DMGDH: variants seen among roughly 807,000 people sequenced by gnomAD.
DMGDH encodes dimethylglycine dehydrogenase, also known as dimethylglycine dehydrogenase, mitochondrial.
DMGDH carries 76 observed loss-of-function variants against 95.2 expected under a neutral mutation model. That is an observed-to-expected ratio of 0.80 (90% CI 0.66 to 0.97). DMGDH has a LOEUF of 0.97. DMGDH is among the 50% of genes least tolerant of loss of function. DMGDH has a pLI of 0.00. For synonymous variants in DMGDH, 345 were observed against 377.6 expected (o/e 0.91, Z 1.00); for missense variants, 987 against 1,055.0 (o/e 0.94, Z 0.89).
chr5:79,032,366 G>A (rs1209283116), intron 9 of DMGDH, among the ~76,000 whole-genome samples: 2 of 152,212 alleles, frequency 1.3e-5, no homozygotes, highest in African/African-American at 4.8e-5. Context: ...CTAAAGTACA[G>A]CAAACCTTTA....
intron 14 of DMGDH, chr5:79,020,868 C>T (rs928778396): frequency 3.0e-6 from 3 of 985,276 alleles, no homozygotes; most frequent in Admixed American, 6.1e-5. Context: ...TGTGAATCTT[C>T]GTGGAGGTTC....
chr5:79,003,394 T>C (rs909644222), intron 15 of DMGDH, among the ~76,000 whole-genome samples: 8 of 152,020 alleles, frequency 5.3e-5, no homozygotes, highest in East Asian at 1.9e-4. Context: ...TGGGCAAATA[T>C]GAATTGGAGG....
At chr5:79,046,483 G>C (rs1754678654) in intron 5 of DMGDH, among the ~76,000 whole-genome samples, 1 of 151,994 alleles carries the variant, frequency 6.6e-6, no homozygotes, top group Non-Finnish European at 1.5e-5. Context: ...GACCTCCCAG[G>C]CTCAGGTGAT....
chr5:79,005,394 A>G lies in DMGDH; in HGVS notation c.2264T>C (p.Ile755Thr), dbSNP rs765953325. 9.3e-6 allele frequency: 15 copies of G among 1,613,988 alleles called. No individual in the cohort carries two copies. Among genetic ancestry groups the G allele is most frequent in the African/African-American group, 1.3e-5 (1 of 74,928 alleles). The change falls in exon 15 of 16, where the codon ATA (isoleucine) becomes ACA (threonine). Residue 755 changes from isoleucine (I) to threonine (T), a missense_variant. Transcript: ENST00000255189. Reference protein sequence around the residue: ...FVKLNKPADFIGKQALKQIKA... With the variant: ...FVKLNKPADFTGKQALKQIKA... ...AATCTGTTTCAGTGCTTGCTTTCCTATGAAGTCTGCTGGCTGCAGGAATCC... is the reference window on the plus strand; with the variant it reads ...AATCTGTTTCAGTGCTTGCTTTCCTGTGAAGTCTGCTGGCTGCAGGAATCC...
In DMGDH at chr5:79,042,459, C is replaced by T. The variant is rs763812617; in HGVS notation, c.1017G>A (p.Glu339=). The T allele has an allele frequency of 2.5e-6, 4 of 1,614,156 alleles. No individual in the cohort carries two copies. In the Admixed American group the frequency reaches 5.0e-5, roughly 20 times the overall value. The change falls in exon 7 of 16, where the codon GAG becomes GAA. Residue 339 remains glutamate, a synonymous_variant. Transcript: ENST00000255189. ...GTTCCATGATTCGATCTAGATCAGACTCAAAGAGTTCCTTTCCAAAACCTA... is the reference window on the plus strand; with the variant it reads ...GTTCCATGATTCGATCTAGATCAGATTCAAAGAGTTCCTTTCCAAAACCTA... The part of the protein sequence containing the change: ...VPPGFGKELF[E]SDLDRIMEHI...
chr5:79,063,740 G>C lies in DMGDH; in HGVS notation c.149C>G (p.Ala50Gly). 1 of 1,614,126 alleles carries C rather than the reference G, an allele frequency of 6.2e-7. No individual in the cohort carries two copies. Among genetic ancestry groups the C allele is most frequent in the Non-Finnish European group, 8.5e-7 (1 of 1,180,030 alleles). Residue 50 changes from alanine (A) to glycine (G), a missense_variant, in exon 2 of 16, where the codon GCA becomes GGA. Ala to Gly is a moderately conservative substitution (Grantham distance 60). Transcript: ENST00000255189. ...GCCACCTCCAATTATCACTGTTTCT[G>C]CTCTGTCTTTCCATTGTGTTTCTGC... ...LSAETQWKDR[A>G]ETVIIGGGCV...
In DMGDH at chr5:79,044,438, T is replaced by C; in HGVS notation, c.860A>G (p.Glu287Gly). ...TTCCAGGTCACGGAGCACAGGCAGT[T>C]CTCGTTTCAAAGCTTTCACTTCAGA... The part of the protein sequence containing the change: ...TISEVKALKR[E>G]LPVLRDLEGS... The change falls in exon 6 of 16, where the codon GAA (glutamate) becomes GGA (glycine). Residue 287 changes from glutamate (E) to glycine (G), a missense_variant. Physicochemically the swap from Glu to Gly is moderately conservative, Grantham distance 98. Transcript: ENST00000255189. The C allele has an allele frequency of 6.2e-7, 1 of 1,614,194 alleles. No homozygotes were observed. The highest frequency in any genetic ancestry group is 8.5e-7 in the Non-Finnish European group (1 of 1,180,034).
intron 14 of DMGDH, among the ~76,000 whole-genome samples, chr5:79,009,725 C>A (rs530685570): frequency 1.2e-4 from 18 of 152,174 alleles, no homozygotes; most frequent in Non-Finnish European, 2.2e-4. Flanking sequence ...CCCATTGGCA[C>A]AATCCCCCTG....
intron 14 of DMGDH, among the ~76,000 whole-genome samples, chr5:79,009,713 T>G (rs1753613329): frequency 6.6e-6 from 1 of 152,188 alleles, no homozygotes; most frequent in East Asian, 1.9e-4. Flanking sequence ...AGGCTGCACC[T>G]GCCCATTGGC....
intron 1 of DMGDH, among the ~76,000 whole-genome samples, chr5:79,067,937 TG>T (rs1755426853): frequency 1.3e-5 from 2 of 152,164 alleles, no homozygotes; most frequent in Non-Finnish European, 2.9e-5. Context: ...TTTTTGTTTG[TG>T]AGATGGAATC....
chr5:79,007,492 A>AT (rs56769699), intron 14 of DMGDH, among the ~76,000 whole-genome samples: 176 of 149,770 alleles, frequency 1.2e-3, no homozygotes, highest in African/African-American at 3.1e-3. Context: ...TAACAGCAAC[A>AT]TTTTTTTTTT....
chr5:79,056,768 T>C (rs571447487), intron 2 of DMGDH, among the ~76,000 whole-genome samples: 325 of 151,898 alleles, frequency 2.1e-3, no homozygotes, highest in African/African-American at 7.1e-3. Flanking sequence ...GGCAGGAGAA[T>C]AGCTTGAACC....
rs1377996139 is a variant in DMGDH, at chr5:79,029,997, T to A, written c.1721A>T (p.Lys574Met). 6.2e-7 allele frequency: 1 copy of A among 1,613,912 alleles called. No homozygotes were observed. Among genetic ancestry groups the A allele is most frequent in the Non-Finnish European group, 8.5e-7 (1 of 1,179,972 alleles). The change falls in exon 11 of 16, where the codon AAG (lysine) becomes ATG (methionine). Residue 574 changes from lysine to methionine, a missense_variant. Physicochemically the swap from Lys to Met is moderately conservative, Grantham distance 95. Transcript: ENST00000255189. Reference sequence around the variant, plus strand: ...AGTCAGCTCAGCATACACTCGACCCTTGGGTGTTAACATGTGACTTATATT... The same window carrying A: ...AGTCAGCTCAGCATACACTCGACCCATGGGTGTTAACATGTGACTTATATT... ...FTNISHMLTP[K>M]GRVYAELTVS...
At chr5:79,001,132 AG>A in intron 15 of DMGDH, 1 of 550,980 alleles carries the variant, frequency 1.8e-6, no homozygotes, top group South Asian at 3.0e-5. Flanking sequence ...TAGCCCTGGA[AG>A]CAGCTCTGCG....
chr5:79,006,748 G>A (rs2112600629), intron 14 of DMGDH, among the ~76,000 whole-genome samples: 1 of 152,126 alleles, frequency 6.6e-6, no homozygotes, highest in Non-Finnish European at 1.5e-5. Context: ...GACTTACACA[G>A]TTCTTTCTGC....
Position 79,063,622 on chromosome 5 carries a change from G to C in DMGDH, c.267C>G (p.Thr89=), listed in dbSNP as rs1282336700. ...GGGGTGCTTTTCTTACTGCGTGCCA[G>C]GTAGATCCAGCCGTGAGCTCTGATT... ...LEKSELTAGS[T]WHAAGLTTYF... is the part of the protein sequence containing the mutation. The change falls in exon 2 of 16, where the codon ACC becomes ACG. Residue 89 remains threonine (T), a synonymous_variant. Coordinates refer to ENST00000255189, the MANE Select transcript of DMGDH (RefSeq NM_013391.3). 3 of 1,614,178 alleles carry C rather than the reference G, an allele frequency of 1.9e-6. No individual in the cohort carries two copies. Among genetic ancestry groups the C allele is most frequent in the Non-Finnish European group, 1.7e-6 (2 of 1,180,046 alleles).
rs1267743472 is a variant in DMGDH at position 79,044,556 on chromosome 5, A to C, written c.746-4T>G. 9 of 1,613,794 alleles carry C rather than the reference A, an allele frequency of 5.6e-6. No homozygotes were observed. Among genetic ancestry groups the C allele is most frequent in the African/African-American group, 1.3e-5 (1 of 74,930 alleles). ...CCTACTTCACGAGCCCAAAATCCTTAAACAAAAAAATCATTTAAAAGTGTC... is the reference window on the plus strand; with the variant it reads ...CCTACTTCACGAGCCCAAAATCCTTCAACAAAAAAATCATTTAAAAGTGTC... On this transcript the variant is annotated splice_polypyrimidine_tract_variant and splice_region_variant and intron_variant, in intron 5 of 15. Coordinates refer to ENST00000255189, the MANE Select transcript of DMGDH (RefSeq NM_013391.3).
chr5:79,036,600 C>T (rs1161480088), intron 7 of DMGDH, among the ~76,000 whole-genome samples: 1 of 152,112 alleles, frequency 6.6e-6, no homozygotes, highest in Non-Finnish European at 1.5e-5. Flanking sequence ...ATAGCTGTGG[C>T]TGAGGATATT....
Position 79,028,517 on chromosome 5 carries a change from T to C in DMGDH, c.1948A>G (p.Ser650Gly), listed in dbSNP as rs1754061386. The C allele has an allele frequency of 2.5e-6, 4 of 1,614,138 alleles. No homozygotes were observed. Among genetic ancestry groups the C allele is most frequent in the Non-Finnish European group, 3.4e-6 (4 of 1,180,020 alleles). Reference sequence around the variant, plus strand: ...TGAAGAAACTTGAAAACATCATCACTAAGATCTTCAGAGGTCAGTTTCTGA... The same window carrying C: ...TGAAGAAACTTGAAAACATCATCACCAAGATCTTCAGAGGTCAGTTTCTGA... Reference protein sequence around the residue: ...VLQKLTSEDLSDDVFKFLQTK... With the variant: ...VLQKLTSEDLGDDVFKFLQTK... The change falls in exon 12 of 16, where the codon AGT becomes GGT. Residue 650 changes from serine (S) to glycine (G), a missense_variant. Coordinates refer to ENST00000255189, the MANE Select transcript of DMGDH (RefSeq NM_013391.3).
Sources: gnomAD v4.1 joint callset for allele counts (sites outside exome capture counted in the v4.1 genomes callset) on GRCh38, gnomAD v4.1.1 for gene constraint, MANE v1.5 for transcripts, NCBI Gene and HGNC (gene_info 2026-07-23, HGNC 2026-07-21) for gene names.